INSL6: variants seen among roughly 807,000 people sequenced by gnomAD.
INSL6 encodes insulin like 6.
A neutral mutation model predicts 9.4 loss-of-function variants in INSL6; 16 were observed. That is an observed-to-expected ratio of 1.70 (90% CI 1.15 to 2.59). INSL6 has a LOEUF of 2.59. INSL6 is among the 30% of genes most tolerant of loss of function. The pLI is 0.00. For missense variants in INSL6, 391 were observed against 257.3 expected (o/e 1.52, Z -3.56); for synonymous variants, 154 against 96.9 (o/e 1.59, Z -3.46).
At chr9:5,138,587 G>C (rs1364494390) in intron 2 of INSL6, among the ~76,000 whole-genome samples, 1 of 152,088 alleles carries the variant, frequency 6.6e-6, no homozygotes, top group Non-Finnish European at 1.5e-5. Context: ...GTTGGGCAGT[G>C]GGGGGCTAGG....
At chr9:5,105,137 C>T in the INSL6 span, among the ~76,000 whole-genome samples, 5 of 152,288 alleles carry the variant, frequency 3.3e-5, no homozygotes, top group East Asian at 7.7e-4. Flanking sequence ...TTGCAGATGA[C>T]ACGACTGTAT....
the INSL6 span, chr9:5,085,331 A>G: frequency 1.2e-6 from 1 of 850,342 alleles, no homozygotes; most frequent in Non-Finnish European, 2.0e-6. Flanking sequence ...ATTAGCTGAA[A>G]AGCTATTCCT....
chr9:5,001,737 A>ATACAGAATTGG, the INSL6 span, among the ~76,000 whole-genome samples: 1 of 151,880 alleles, frequency 6.6e-6, no homozygotes, highest in African/African-American at 2.4e-5. Flanking sequence ...GTAAGAGTTT[A>ATACAGAATTGG]TACAGAATTG....
chr9:5,170,746 T>C (rs1483484589), intron 1 of INSL6, among the ~76,000 whole-genome samples: 2 of 151,760 alleles, frequency 1.3e-5, no homozygotes, highest in Non-Finnish European at 2.9e-5. Context: ...CTAGACACAA[T>C]GGATAAATTC....
At chr9:5,100,970 A>C in the INSL6 span, 1 of 152,316 alleles carries the variant, frequency 6.6e-6, no homozygotes, top group Non-Finnish European at 1.5e-5. Context: ...TGATCGACGC[A>C]GAAGATGGTG....
At chr9:5,015,900 GT>G in the INSL6 span, among the ~76,000 whole-genome samples, 100 of 152,040 alleles carry the variant, frequency 6.6e-4, no homozygotes, top group Middle Eastern at 3.4e-3. Flanking sequence ...TATAAAAAGA[GT>G]AAAAAATATC....
the INSL6 span, among the ~76,000 whole-genome samples, chr9:5,087,596 G>T: frequency 6.6e-6 from 1 of 151,950 alleles, no homozygotes; most frequent in Admixed American, 6.6e-5. Flanking sequence ...GAGGCATTCC[G>T]AATTAAAAGT....
chr9:5,118,664 C>T, the INSL6 span, among the ~76,000 whole-genome samples: 2 of 152,032 alleles, frequency 1.3e-5, no homozygotes, highest in African/African-American at 2.4e-5. Context: ...CAGATGTAAA[C>T]GCTGAGAAAA....
chr9:5,069,209 G>T, the INSL6 span: 2 of 1,591,672 alleles, frequency 1.3e-6, no homozygotes, highest in Non-Finnish European at 1.7e-6. Flanking sequence ...AAGCCAAAAG[G>T]TAAGATAATT....
downstream of INSL6, chr9:5,163,749 A>C (rs1050050163): frequency 1.9e-5 from 11 of 586,752 alleles, no homozygotes; most frequent in African/African-American, 1.9e-4. Context: ...GGGTCACCAA[A>C]GAAAATACTA....
rs756419929 is a variant in INSL6, at chr9:5,126,293, A to G, written c.*11-1782T>C. 7 of 1,414,762 alleles carry G rather than the reference A, an allele frequency of 4.9e-6. No individual in the cohort carries two copies. The African/African-American group carries it at 1.0e-4, about 20-fold the overall frequency. The allele number at this position is 1,414,762 out of a possible 1,614,324, so 87.6% of individuals were successfully genotyped here. On this transcript the variant is annotated intron_variant, in intron 3 of 3. Transcript: ENST00000649639. ...AAATTGAGAAAGAATTTTGCTACAAATTAAATGTACAAAAAATATTGAAAG... is the reference window on the plus strand; with the variant it reads ...AAATTGAGAAAGAATTTTGCTACAAGTTAAATGTACAAAAAATATTGAAAG...
the INSL6 span, among the ~76,000 whole-genome samples, chr9:4,999,699 T>C: frequency 6.6e-6 from 1 of 152,222 alleles, no homozygotes; most frequent in East Asian, 1.9e-4. Flanking sequence ...TCCACCCATC[T>C]TGGCCTCCCA....
the INSL6 span, chr9:5,085,264 T>G: frequency 1.5e-6 from 1 of 686,710 alleles, no homozygotes; most frequent in African/African-American, 1.8e-5. Flanking sequence ...GAGATTCACA[T>G]CAGCTGATGT....
At chr9:5,099,166 G>C in the INSL6 span, 2 of 152,154 alleles carry the variant, frequency 1.3e-5, no homozygotes, top group Non-Finnish European at 2.9e-5. Flanking sequence ...CCTCAAAACA[G>C]ATGCAATCCC....
intron 2 of INSL6, among the ~76,000 whole-genome samples, chr9:5,134,820 CA>C (rs1824360585): frequency 6.6e-6 from 1 of 152,130 alleles, no homozygotes; most frequent in African/African-American, 2.4e-5. Flanking sequence ...ATGACAGGAT[CA>C]AAGTCACACA....
chr9:4,996,134 G>T, the INSL6 span, among the ~76,000 whole-genome samples: 696 of 152,308 alleles, frequency 4.6e-3, 5 homozygotes, highest in Non-Finnish European at 7.0e-3. Context: ...AGAGAAGACA[G>T]AATTACAGGG....
chr9:4,994,960 C>G, the INSL6 span, among the ~76,000 whole-genome samples: 3 of 150,328 alleles, frequency 2.0e-5, no homozygotes, highest in Non-Finnish European at 4.4e-5. Flanking sequence ...GTGTGTGTGA[C>G]TATAACTAAA....
At chr9:5,126,200 T>C (rs1326216299) in intron 3 of INSL6, 2 of 582,800 alleles carry the variant, frequency 3.4e-6, no homozygotes, top group East Asian at 5.9e-5. Context: ...TAAAAGTAGT[T>C]TGTTTTGAAA....
intron 3 of INSL6, among the ~76,000 whole-genome samples, chr9:5,124,851 C>A (rs983101061): frequency 6.6e-6 from 1 of 151,332 alleles, no homozygotes; most frequent in African/African-American, 2.4e-5. Flanking sequence ...GAATAGTAAG[C>A]CTAGGACTCA....
Sources: allele counts gnomAD v4.1 joint callset (sites outside exome capture counted in the v4.1 genomes callset), GRCh38; gene constraint gnomAD v4.1.1; transcripts MANE v1.5; gene names NCBI Gene and HGNC (gene_info 2026-07-23, HGNC 2026-07-21).